The following ZBTB7C variants were observed in gnomAD, a reference collection of about 807,000 sequenced individuals.
ZBTB7C encodes the protein zinc finger and BTB domain-containing protein 7C.
ZBTB7C carries 8 observed loss-of-function variants against 25.7 expected under a neutral mutation model. The ratio of observed to expected loss-of-function variants is 0.31; its 90% CI spans 0.18 to 0.56. The LOEUF (loss-of-function observed/expected upper bound fraction) is 0.56, where lower values mean the gene tolerates loss of function less well. ZBTB7C is among the 20% of genes least tolerant of loss of function. The pLI is 0.91. For synonymous variants in ZBTB7C, 394 were observed against 369.0 expected (o/e 1.07, Z -0.78); for missense variants, 824 against 855.2 (o/e 0.96, Z 0.46).
chr18:48,117,851 A>T (rs2039494179), intron 3 of ZBTB7C, among the ~76,000 whole-genome samples: 2 of 152,102 alleles, frequency 1.3e-5, no homozygotes, highest in South Asian at 4.1e-4. Flanking sequence ...GGGCATATCC[A>T]CTTCACTGTA....
At chr18:48,404,849 T>C (rs1242408468) in intron 1 of ZBTB7C, among the ~76,000 whole-genome samples, 2 of 152,200 alleles carry the variant, frequency 1.3e-5, no homozygotes, top group African/African-American at 2.4e-5. Context: ...TTGCTGATGC[T>C]GAGGACGTGA....
rs1410061798 is a variant in ZBTB7C, at chr18:48,027,617, G to A, written c.*1643C>T. Reference sequence around the variant, plus strand: ...CAGGGGGTCTCTTCTGGAGAGTTGTGAGAGGGACAGAGTCTGTGCTCTTCT... The same window carrying A: ...CAGGGGGTCTCTTCTGGAGAGTTGTAAGAGGGACAGAGTCTGTGCTCTTCT... On this transcript the variant is annotated 3_prime_UTR_variant, in exon 5 of 5. Transcript: ENST00000590800. 6.6e-6 allele frequency: 1 copy of A among 152,250 alleles called. No homozygotes were observed. The highest frequency in any genetic ancestry group is 1.5e-5 in the Non-Finnish European group (1 of 68,072). 9.4% of individuals were successfully genotyped at this position (152,250 alleles called of 1,614,324 possible).
intron 2 of ZBTB7C, among the ~76,000 whole-genome samples, chr18:48,316,274 G>A (rs139633742): frequency 1.3e-5 from 2 of 152,320 alleles, no homozygotes; most frequent in East Asian, 3.9e-4. Flanking sequence ...ATCCTTCCAT[G>A]TATGGGTTTA....
At chr18:48,237,039 T>G (rs942007266) in intron 2 of ZBTB7C, among the ~76,000 whole-genome samples, 6 of 152,154 alleles carry the variant, frequency 3.9e-5, no homozygotes, top group African/African-American at 1.4e-4. Context: ...TTGCTGGAGC[T>G]AGGACTGAGG....
intron 3 of ZBTB7C, among the ~76,000 whole-genome samples, chr18:48,155,366 C>G (rs1187568311): frequency 2.3e-5 from 3 of 130,534 alleles, no homozygotes; most frequent in African/African-American, 9.0e-5. Context: ...CTCACTCTAT[C>G]GCCCAGGCTG....
chr18:48,053,815 G>T (rs1223732996), intron 3 of ZBTB7C, among the ~76,000 whole-genome samples: 1 of 152,198 alleles, frequency 6.6e-6, no homozygotes, highest in African/African-American at 2.4e-5. Flanking sequence ...AGTGCTAAGT[G>T]CTGGTTCATG....
intron 2 of ZBTB7C, among the ~76,000 whole-genome samples, chr18:48,261,010 T>A (rs1324754251): frequency 2.6e-5 from 4 of 152,164 alleles, no homozygotes; most frequent in Non-Finnish European, 1.5e-5. Flanking sequence ...AAACACTGAA[T>A]TAAAACCCAC....
In ZBTB7C at chr18:48,141,150, C is replaced by A. The variant is rs575603567; in HGVS notation, c.-17+44784G>T. On this transcript the variant is annotated intron_variant, in intron 3 of 4. Transcript: ENST00000590800. ...GATAGGCATCCCCCCCGCACCACCC[C>A]CCCCACTGTTCCTTCTCCTTCCTGC... 1.0e-4 allele frequency among the ~76,000 whole-genome samples: 15 copies of A among 144,698 alleles called. 1 individual carries two copies. The highest frequency in any genetic ancestry group is 2.1e-4 in the Non-Finnish European group (14 of 65,548). The allele number at this position is 144,698 out of a possible 152,430, so 94.9% of individuals were successfully genotyped here. A position where few individuals can be genotyped will look rare whatever the true frequency, so the allele number is the denominator to read the frequency against.
At chr18:48,329,883 G>A (rs1489127494) in intron 2 of ZBTB7C, among the ~76,000 whole-genome samples, 2 of 152,178 alleles carry the variant, frequency 1.3e-5, no homozygotes, top group African/African-American at 4.8e-5. Context: ...AACTGTCCAT[G>A]TCATCTCATT....
At chr18:48,227,762 G>A (rs2043141997) in intron 2 of ZBTB7C, among the ~76,000 whole-genome samples, 1 of 152,168 alleles carries the variant, frequency 6.6e-6, no homozygotes, top group South Asian at 2.1e-4. Context: ...AACGAAATAG[G>A]AAACATTGGG....
intron 3 of ZBTB7C, among the ~76,000 whole-genome samples, chr18:48,108,245 G>A (rs1312599443): frequency 6.6e-6 from 1 of 152,192 alleles, no homozygotes; most frequent in Non-Finnish European, 1.5e-5. Flanking sequence ...GGGTTCCCAG[G>A]CTCCTTGCCT....
chr18:48,074,799 C>T (rs574704248), intron 3 of ZBTB7C, among the ~76,000 whole-genome samples: 82 of 152,280 alleles, frequency 5.4e-4, no homozygotes, highest in African/African-American at 1.4e-3. Flanking sequence ...ACGGTTCCAG[C>T]CTGGCAAACA....
At chr18:48,244,284 A>C (rs893687979) in intron 2 of ZBTB7C, among the ~76,000 whole-genome samples, 2 of 152,236 alleles carry the variant, frequency 1.3e-5, no homozygotes, top group East Asian at 3.9e-4. Flanking sequence ...GTGTGGTGGC[A>C]GGTGCCTGTA....
At chr18:48,240,340 A>C (rs145201746) in intron 2 of ZBTB7C, among the ~76,000 whole-genome samples, 14 of 152,214 alleles carry the variant, frequency 9.2e-5, no homozygotes, top group Non-Finnish European at 1.9e-4. Context: ...CAAGAAGCTC[A>C]AACAACACCC....
At chr18:48,334,514 G>A (rs2046416794) in intron 2 of ZBTB7C, among the ~76,000 whole-genome samples, 1 of 152,186 alleles carries the variant, frequency 6.6e-6, no homozygotes, top group Non-Finnish European at 1.5e-5. Flanking sequence ...AATAACATTT[G>A]ATAACTCTAT....
intron 3 of ZBTB7C, among the ~76,000 whole-genome samples, chr18:48,089,682 T>A (rs994364867): frequency 6.6e-6 from 1 of 152,104 alleles, no homozygotes; most frequent in African/African-American, 2.4e-5. Flanking sequence ...GCATTTCTGA[T>A]TAGCTTCCAG....
chr18:48,184,846 T>G (rs1373283937), intron 3 of ZBTB7C, among the ~76,000 whole-genome samples: 1 of 151,950 alleles, frequency 6.6e-6, no homozygotes, highest in Non-Finnish European at 1.5e-5. Context: ...TCTCTCTGTC[T>G]TTCTCATTCC....
At chr18:48,275,713 T>G (rs2044626963) in intron 2 of ZBTB7C, among the ~76,000 whole-genome samples, 1 of 152,186 alleles carries the variant, frequency 6.6e-6, no homozygotes, top group Admixed American at 6.5e-5. Flanking sequence ...CTGCTTCGCA[T>G]CATCTTCCAG....
At chr18:48,096,569 G>C (rs1200440947) in intron 3 of ZBTB7C, among the ~76,000 whole-genome samples, 1 of 152,154 alleles carries the variant, frequency 6.6e-6, no homozygotes, top group Admixed American at 6.5e-5. Context: ...GCTGGATATC[G>C]AACTAATGTG....
Sources: gnomAD v4.1 joint callset for allele counts (sites outside exome capture counted in the v4.1 genomes callset) on GRCh38, gnomAD v4.1.1 for gene constraint, MANE v1.5 for transcripts, NCBI Gene and HGNC (gene_info 2026-07-23, HGNC 2026-07-21) for gene names.